The following NPNT variants were observed in gnomAD, a reference collection of about 807,000 sequenced individuals.
NPNT encodes nephronectin.
NPNT carries 45 observed loss-of-function variants against 68.6 expected under a neutral mutation model. The ratio of observed to expected loss-of-function variants is 0.66; its 90% CI spans 0.52 to 0.84. The LOEUF (loss-of-function observed/expected upper bound fraction) is 0.84. NPNT is among the 40% of genes least tolerant of loss of function. The pLI is 0.00. For synonymous variants in NPNT, 233 were observed against 253.3 expected, an observed-to-expected ratio of 0.92 and a Z score of 0.76; for missense variants, 672 against 714.8, an observed-to-expected ratio of 0.94 and a Z score of 0.68.
chr4:105,914,384 A>C (rs944346573), intron 2 of NPNT, among the ~76,000 whole-genome samples: 1 of 136,874 alleles, frequency 7.3e-6, no homozygotes, highest in Admixed American at 7.7e-5. Flanking sequence ...TATATATATA[A>C]TATATAAAAA....
Position 105,895,472 on chromosome 4 carries a change from CGCA to C in NPNT, c.-176_-174del, listed in dbSNP as rs1487028119. ...GAGCGGGAGGGGGCTCCGGGCGCCG[CGCA>C]GCAGACCTGCTCCGGCCGCGCGCCT... On this transcript the variant is annotated 5_prime_UTR_variant, in exon 1 of 12. Transcript: ENST00000379987. 3.7e-6 allele frequency: 2 copies of C among 533,820 alleles called. No homozygotes were observed. The highest frequency in any genetic ancestry group is 6.5e-6 in the Non-Finnish European group (2 of 306,078). 33.1% of individuals were successfully genotyped at this position (533,820 alleles called of 1,614,324 possible).
intron 2 of NPNT, among the ~76,000 whole-genome samples, chr4:105,925,797 TTC>T (rs771812041): frequency 2.6e-5 from 4 of 152,202 alleles, no homozygotes; most frequent in Non-Finnish European, 2.9e-5. Flanking sequence ...CTTGCAACTG[TTC>T]TCTCTGCCTC....
At chr4:105,950,194 T>C (rs1191428130) in intron 8 of NPNT, among the ~76,000 whole-genome samples, 1 of 152,206 alleles carries the variant, frequency 6.6e-6, no homozygotes, top group African/African-American at 2.4e-5. Flanking sequence ...TTGAATGTGA[T>C]AGCTATGTCC....
intron 2 of NPNT, among the ~76,000 whole-genome samples, chr4:105,912,975 C>G (rs1359794800): frequency 6.6e-6 from 1 of 152,192 alleles, no homozygotes; most frequent in Non-Finnish European, 1.5e-5. Context: ...TCAAGTGATT[C>G]TCCAGCCTCA....
At chr4:105,909,574 G>A (rs1337327251) in intron 2 of NPNT, among the ~76,000 whole-genome samples, 1 of 152,164 alleles carries the variant, frequency 6.6e-6, no homozygotes, top group African/African-American at 2.4e-5. Flanking sequence ...TGTACTGAAA[G>A]TTAGGATCAT....
intron 2 of NPNT, among the ~76,000 whole-genome samples, chr4:105,911,283 T>C (rs1727342118): frequency 6.6e-6 from 1 of 152,054 alleles, no homozygotes. Flanking sequence ...TCTGGATCAA[T>C]AGTTAAATTA....
chr4:105,968,640 A>C (rs1732357661), intron 11 of NPNT, among the ~76,000 whole-genome samples: 1 of 152,214 alleles, frequency 6.6e-6, no homozygotes, highest in Non-Finnish European at 1.5e-5. Flanking sequence ...TCCTAAATCG[A>C]ATTGGTCTAT....
chr4:105,932,783 C>G lies in NPNT; in HGVS notation c.266-4226C>G, dbSNP rs1026739446. On this transcript the variant is annotated intron_variant, in intron 3 of 11. Transcript: ENST00000379987. ...AGTTATGTCACTTCTTGCAAATGTT[C>G]TGAAGACTAGCCCAGGAGTGTCCAG... 2.6e-5 allele frequency: 26 copies of G among 997,874 alleles called. No individual in the cohort carries two copies. In the South Asian group the frequency reaches 3.4e-4, roughly 13 times the overall value. 61.8% of individuals were successfully genotyped at this position (997,874 alleles called of 1,614,324 possible).
chr4:105,940,461 T>A, intron 6 of NPNT, 53 bp from the exon 7 acceptor site: 1 of 1,533,268 alleles, frequency 6.5e-7, no homozygotes, highest in African/African-American at 1.4e-5. Context: ...ATTTTTTATG[T>A]CATCATATTT....
rs762748524 is a variant in NPNT, at chr4:105,942,668, G to A, written c.1125G>A (p.Gln375=). 1.2e-6 allele frequency: 2 copies of A among 1,612,846 alleles called. No individual in the cohort carries two copies. Among genetic ancestry groups the A allele is most frequent in the South Asian group, 2.2e-5 (2 of 90,878 alleles). The change falls in exon 8 of 12, where the codon CAG becomes CAA. Residue 375 remains glutamine, a synonymous_variant. Coordinates refer to ENST00000379987, the MANE Select transcript of NPNT (RefSeq NM_001033047.3). The part of the protein sequence containing the change: ...PGGITVDNRV[Q]TDPQKPRGDV... ...GGATTACAGTTGACAACAGGGTACA[G>A]ACAGACCCTCAGAAACCCAGAGGAG... is the stretch of plus-strand genomic sequence containing the variant.
chr4:105,942,255 AC>A, intron 7 of NPNT, 51 bp from the exon 8 acceptor site: 3 of 1,426,802 alleles, frequency 2.1e-6, no homozygotes, highest in African/African-American at 1.4e-5. Context: ...GTAATGCTTC[AC>A]TTTTTAGGGA....
intron 2 of NPNT, among the ~76,000 whole-genome samples, chr4:105,922,580 G>A (rs1444752747): frequency 3.3e-5 from 5 of 151,796 alleles, no homozygotes; most frequent in Admixed American, 2.6e-4. Context: ...GTTTTACCAT[G>A]TTGGCCAGGC....
chr4:105,971,140 G>A lies in NPNT; in HGVS notation c.*2150G>A. On this transcript the variant is annotated 3_prime_UTR_variant, in exon 12 of 12. Transcript: ENST00000379987. Reference sequence around the variant, plus strand: ...GATCCTTCAAGGAACACAGTTCAGAGAGATTTTCATCGGGTGCATTCTCTC... The same window carrying A: ...GATCCTTCAAGGAACACAGTTCAGAAAGATTTTCATCGGGTGCATTCTCTC... 1 of 455,312 alleles carries A rather than the reference G, an allele frequency of 2.2e-6. No homozygotes were observed. The highest frequency in any genetic ancestry group is 4.4e-6 in the Non-Finnish European group (1 of 226,114). 28.2% of individuals were successfully genotyped at this position (455,312 alleles called of 1,614,324 possible). A position where few individuals can be genotyped will look rare whatever the true frequency, so the allele number is the denominator to read the frequency against.
At chr4:105,934,570 A>G (rs910330699) in intron 3 of NPNT, among the ~76,000 whole-genome samples, 1 of 152,236 alleles carries the variant, frequency 6.6e-6, no homozygotes, top group African/African-American at 2.4e-5. Flanking sequence ...CACTAGGGAT[A>G]TTAACACCAG....
At chr4:105,914,130 A>G (rs2149335166) in intron 2 of NPNT, among the ~76,000 whole-genome samples, 1 of 151,674 alleles carries the variant, frequency 6.6e-6, no homozygotes, top group Non-Finnish European at 1.5e-5. Context: ...GAGGGAGTTC[A>G]GGGAAAGAAT....
At chr4:105,905,103 TAAG>T (rs1726779532) in intron 2 of NPNT, among the ~76,000 whole-genome samples, 1 of 151,874 alleles carries the variant, frequency 6.6e-6, no homozygotes, top group Admixed American at 6.6e-5. Flanking sequence ...TATAACCTAT[TAAG>T]GAGGAATATG....
rs993876390 is a variant in NPNT at position 105,909,301 on chromosome 4, C to G, written c.172+11300C>G. 2.0e-5 allele frequency among the ~76,000 whole-genome samples: 3 copies of G among 151,632 alleles called. No individual in the cohort carries two copies. In the East Asian group the frequency reaches 5.8e-4, roughly 29 times the overall value. On this transcript the variant is annotated intron_variant, in intron 2 of 11. Coordinates refer to ENST00000379987, the MANE Select transcript of NPNT (RefSeq NM_001033047.3). ...CATAGATAATGGTGGTTTCAGGGTC[C>G]CTTGTCTCTTGGGTTGAGTTTTTAC...
intron 5 of NPNT, among the ~76,000 whole-genome samples, chr4:105,938,696 G>A (rs1729692582): frequency 6.6e-6 from 1 of 152,186 alleles, no homozygotes; most frequent in Non-Finnish European, 1.5e-5. Context: ...TTAGGGAAAC[G>A]AGAAGAGCTC....
At chr4:105,932,319 A>T (rs760451577) in intron 3 of NPNT, among the ~76,000 whole-genome samples, 1 of 152,180 alleles carries the variant, frequency 6.6e-6, no homozygotes, top group Admixed American at 6.5e-5. Flanking sequence ...TAATACTTTT[A>T]AAAATGATGA....
Sources: allele counts gnomAD v4.1 joint callset (sites outside exome capture counted in the v4.1 genomes callset), GRCh38; gene constraint gnomAD v4.1.1; transcripts MANE v1.5; gene names NCBI Gene and HGNC (gene_info 2026-07-23, HGNC 2026-07-21).